PIEZO2: variants seen among roughly 807,000 people sequenced by gnomAD.
The protein encoded by PIEZO2 is piezo-type mechanosensitive ion channel component 2.
PIEZO2 carries 172 observed loss-of-function variants against 337.3 expected under a neutral mutation model. That is an observed-to-expected ratio of 0.51 (90% confidence interval 0.45 to 0.58). The LOEUF (loss-of-function observed/expected upper bound fraction) is 0.58, where lower values mean the gene tolerates loss of function less well. PIEZO2 is among the 20% of genes least tolerant of loss of function. The probability of loss-of-function intolerance (pLI) is 0.00; values close to 1 mark genes in which losing one functional copy is unlikely to be tolerated. For missense variants in PIEZO2, 3,028 were observed against 3,391.3 expected (o/e 0.89, Z 2.66); for synonymous variants, 1,251 against 1,228.5 (o/e 1.02, Z -0.38).
In PIEZO2 at chr18:10,854,369, C is replaced by T. The variant is rs1325448648; in HGVS notation, c.917+984G>A. Among the ~76,000 whole-genome samples, 1 of 152,150 alleles carries T rather than the reference C, an allele frequency of 6.6e-6. No homozygotes were observed. The highest frequency in any genetic ancestry group is 1.5e-5 in the Non-Finnish European group (1 of 68,006). On this transcript the variant is annotated intron_variant, in intron 7 of 55. Transcript: ENST00000674853. The surrounding 1 kb of genome is among the most constrained non-coding windows in gnomAD (Gnocchi z 4.6). Reference sequence around the variant, plus strand: ...TTTCTTTGCAATTAGCAAGCACCAACAAGGTTCTACTTTGTCATTGTGCAA... The same window carrying T: ...TTTCTTTGCAATTAGCAAGCACCAATAAGGTTCTACTTTGTCATTGTGCAA...
At chr18:11,075,442 T>C (rs187055997) in intron 1 of PIEZO2, among the ~76,000 whole-genome samples, 3 of 152,208 alleles carry the variant, frequency 2.0e-5, no homozygotes, top group Non-Finnish European at 4.4e-5. Context: ...GTAGAATTCT[T>C]TCCCCCATTA....
At chr18:10,706,880 AG>A (rs2035609486) in intron 40 of PIEZO2, among the ~76,000 whole-genome samples, 1 of 152,198 alleles carries the variant, frequency 6.6e-6, no homozygotes, top group South Asian at 2.1e-4. Flanking sequence ...TGTGACCACC[AG>A]GGTTCCATAA....
At chr18:10,733,573 C>T (rs368297092) in intron 35 of PIEZO2, among the ~76,000 whole-genome samples, 207 of 152,036 alleles carry the variant, frequency 1.4e-3, no homozygotes, top group Non-Finnish European at 2.4e-3. Flanking sequence ...CTCAGCCTCC[C>T]GAGTAGCTGG....
chr18:11,133,331 A>G (rs1279919855), intron 1 of PIEZO2, among the ~76,000 whole-genome samples: 1 of 152,156 alleles, frequency 6.6e-6, no homozygotes, highest in East Asian at 1.9e-4. Context: ...GCGTTAAATT[A>G]TGACCTTATT....
In PIEZO2 at chr18:10,862,502, T is replaced by A. The variant is rs1329295643; in HGVS notation, c.493-5291A>T. Among the ~76,000 whole-genome samples the A allele has an allele frequency of 6.6e-6, 1 of 152,182 alleles. No individual in the cohort carries two copies. The highest frequency in any genetic ancestry group is 1.5e-5 in the Non-Finnish European group (1 of 68,028). On this transcript the variant is annotated intron_variant, in intron 5 of 55. Transcript: ENST00000674853. This position sits in a 1 kb window ranked among gnomAD's most constrained non-coding sequence, Gnocchi z 4.4. ...CACCCTACAGCAGTACTGGTTCCAT[T>A]AAGCCGTGGCATCCACCATGATTTC...
rs1458312829 is a variant in PIEZO2, at chr18:11,109,168, A to G, written c.64+39357T>C. 6.6e-6 allele frequency among the ~76,000 whole-genome samples: 1 copy of G among 152,134 alleles called. No homozygotes were observed. The highest frequency in any genetic ancestry group is 1.5e-5 in the Non-Finnish European group (1 of 68,026). Reference sequence around the variant, plus strand: ...AGTCTGCACAGCTTACAAACCACACATCTTGACAACTCCACCACGTCCATA... The same window carrying G: ...AGTCTGCACAGCTTACAAACCACACGTCTTGACAACTCCACCACGTCCATA... On this transcript the variant is annotated intron_variant, in intron 1 of 55. Transcript: ENST00000674853. This position sits in a 1 kb window ranked among gnomAD's most constrained non-coding sequence, Gnocchi z 5.1.
chr18:11,078,694 G>C lies in PIEZO2; in HGVS notation c.65-12472C>G, dbSNP rs1471295798. ...ATACCATACTAATGAGACACATGCG[G>C]CCTCTGACCACAGTGTGAAAACCTC... On this transcript the variant is annotated intron_variant, in intron 1 of 55. Coordinates refer to ENST00000674853, the MANE Select transcript of PIEZO2 (RefSeq NM_001378183.1). This position sits in a 1 kb window ranked among gnomAD's most constrained non-coding sequence, Gnocchi z 5.3. Among the ~76,000 whole-genome samples the C allele has an allele frequency of 6.6e-6, 1 of 152,136 alleles. No homozygotes were observed.
intron 2 of PIEZO2, among the ~76,000 whole-genome samples, chr18:11,014,926 C>CAA (rs2036056019): frequency 7.6e-6 from 1 of 131,238 alleles, no homozygotes; most frequent in Non-Finnish European, 1.6e-5. Context: ...GACAGCGATC[C>CAA]GGGGCCCCCC....
rs1598405904 is a variant in PIEZO2, at chr18:10,726,933, C to T, written c.5029+4474G>A. 2.0e-6 allele frequency: 3 copies of T among 1,535,530 alleles called. No homozygotes were observed. The highest frequency in any genetic ancestry group is 2.3e-5 in the East Asian group (1 of 44,066). ...TGGCGGAGCTGGGTCGCCTGCTGCC[C>T]GACTGATGTAGGTTGAGGGCTGCAG... On this transcript the variant is annotated intron_variant, in intron 36 of 55. Coordinates refer to ENST00000674853, the MANE Select transcript of PIEZO2 (RefSeq NM_001378183.1). The surrounding 1 kb of genome is among the most constrained non-coding windows in gnomAD (Gnocchi z 5.9).
chr18:10,768,485 C>T (rs935701296), intron 21 of PIEZO2, among the ~76,000 whole-genome samples: 1 of 152,202 alleles, frequency 6.6e-6, no homozygotes, highest in African/African-American at 2.4e-5. Context: ...ACCCCCCATG[C>T]AGGTGGGGTG....
At position 10,759,850 on chromosome 18, in the gene PIEZO2, G is replaced by A; in HGVS notation, c.3510C>T (p.Ile1170=). 3.3e-6 allele frequency: 5 copies of A among 1,537,458 alleles called. No individual in the cohort carries two copies. Among genetic ancestry groups the A allele is most frequent in the Non-Finnish European group, 4.4e-6 (5 of 1,146,952 alleles). The change falls in exon 25 of 56, where the codon ATC becomes ATT. Residue 1170 remains isoleucine (I), a synonymous_variant. Transcript: ENST00000674853. This position sits in a 1 kb window ranked among gnomAD's most constrained non-coding sequence, Gnocchi z 5.5. Reference sequence around the variant, plus strand: ...AGACAGCGATCAGCCAGCAGGCGTGGATCATGGCATAGAAATCCATTCGCT... The same window carrying A: ...AGACAGCGATCAGCCAGCAGGCGTGAATCATGGCATAGAAATCCATTCGCT... ...IGQRMDFYAM[I]HACWLIAVLY... is the part of the protein sequence containing the mutation.
chr18:11,146,770 C>T lies in PIEZO2; in HGVS notation c.64+1755G>A, dbSNP rs918483415. Among the ~76,000 whole-genome samples, 3 of 152,192 alleles carry T rather than the reference C, an allele frequency of 2.0e-5. No homozygotes were observed. The highest frequency in any genetic ancestry group is 2.0e-4 in the Admixed American group (3 of 15,286). ...GTGGACCGAGCTGGCTGCAGGGAAC[C>T]ACATGCCTAACTCTTCCAACAGTCA... On this transcript the variant is annotated intron_variant, in intron 1 of 55. Coordinates refer to ENST00000674853, the MANE Select transcript of PIEZO2 (RefSeq NM_001378183.1). The surrounding 1 kb of genome is among the most constrained non-coding windows in gnomAD (Gnocchi z 6.1).
At chr18:10,760,436 C>A (rs1472379062) in intron 24 of PIEZO2, among the ~76,000 whole-genome samples, 1 of 152,180 alleles carries the variant, frequency 6.6e-6, no homozygotes, top group Non-Finnish European at 1.5e-5. Flanking sequence ...TCTCAAGTAG[C>A]TGTGATTACA....
chr18:11,033,213 A>T lies in PIEZO2; in HGVS notation c.160+32914T>A, dbSNP rs909279100. ...TCTCCTTCATTTCACACATGAGGGG[A>T]CTAAGACTGAGAGGCAAAGTGACTT... On this transcript the variant is annotated intron_variant, in intron 2 of 55. Coordinates refer to ENST00000674853, the MANE Select transcript of PIEZO2 (RefSeq NM_001378183.1). This position sits in a 1 kb window ranked among gnomAD's most constrained non-coding sequence, Gnocchi z 4.2. Among the ~76,000 whole-genome samples, 21 of 152,360 alleles carry T rather than the reference A, an allele frequency of 1.4e-4. No homozygotes were observed. Among genetic ancestry groups the T allele is most frequent in the African/African-American group, 4.1e-4 (17 of 41,596 alleles).
chr18:10,961,154 C>G lies in PIEZO2; in HGVS notation c.286+18381G>C, dbSNP rs141150341. Among the ~76,000 whole-genome samples, 1,074 of 150,714 alleles carry G rather than the reference C, an allele frequency of 7.1e-3. 12 individuals carry two copies. Among genetic ancestry groups the G allele is most frequent in the Non-Finnish European group, 9.0e-3 (614 of 67,846 alleles). The stretch of plus-strand genomic sequence containing the variant: ...CAAGATCGTGCCATTGCACTCCAGC[C>G]TGGGCAACAGAGCAAGACTCCATCT... On this transcript the variant is annotated intron_variant, in intron 3 of 55. Transcript: ENST00000674853.
intron 37 of PIEZO2, 35 bp downstream of exon 37, chr18:10,718,165 G>T (rs561996466): frequency 6.0e-6 from 9 of 1,511,222 alleles, no homozygotes; most frequent in Non-Finnish European, 8.0e-6. Context: ...CATTTTCAAA[G>T]TTCCCACAGC....
In PIEZO2 at chr18:11,104,461, A is replaced by G. The variant is rs1309657671; in HGVS notation, c.65-38239T>C. 1.3e-5 allele frequency among the ~76,000 whole-genome samples: 2 copies of G among 152,190 alleles called. No individual in the cohort carries two copies. The highest frequency in any genetic ancestry group is 1.9e-4 in the East Asian group (1 of 5,182). On this transcript the variant is annotated intron_variant, in intron 1 of 55. Coordinates refer to ENST00000674853, the MANE Select transcript of PIEZO2 (RefSeq NM_001378183.1). The surrounding 1 kb of genome is among the most constrained non-coding windows in gnomAD (Gnocchi z 4.6). ...GATTCTGAATTGGCAGCAGAGATCAATGAACGCAGCTGCCCTTCTCTCTAG... is the reference window on the plus strand; with the variant it reads ...GATTCTGAATTGGCAGCAGAGATCAGTGAACGCAGCTGCCCTTCTCTCTAG...
At chr18:10,800,498 G>C in intron 10 of PIEZO2, 23 bp from the exon 11 acceptor site, 2 of 1,516,792 alleles carry the variant, frequency 1.3e-6, no homozygotes, top group Non-Finnish European at 1.8e-6. Flanking sequence ...CAGAGAAAGG[G>C]ACAACTGTTA....
chr18:10,879,429 G>A (rs999852284), intron 4 of PIEZO2, among the ~76,000 whole-genome samples: 2 of 123,968 alleles, frequency 1.6e-5, no homozygotes, highest in Admixed American at 1.1e-4. Flanking sequence ...GGAGTCTTGC[G>A]CTGTTGCCCA....
Sources: gnomAD v4.1 joint callset for allele counts (sites outside exome capture counted in the v4.1 genomes callset) on GRCh38, gnomAD v4.1.1 for gene constraint, Gnocchi (gnomAD v3.1) non-coding constraint, MANE v1.5 for transcripts, NCBI Gene and HGNC (gene_info 2026-07-23, HGNC 2026-07-21) for gene names.